The following NLRP5 variants were observed in gnomAD, a reference collection of about 807,000 sequenced individuals.
The protein encoded by NLRP5 is NLR family pyrin domain containing 5.
In NLRP5, 93 loss-of-function variants were observed where a neutral mutation model predicts 113.1. The observed-to-expected ratio is 0.82, with a 90% CI of 0.70 to 0.98. The LOEUF is 0.98. Ranked by LOEUF, NLRP5 falls within the 50% of genes least tolerant of loss-of-function variation. NLRP5 has a pLI of 0.00. For synonymous variants in NLRP5, 751 were observed against 600.7 expected (o/e 1.25, Z -3.66); for missense variants, 1,808 against 1,514.3 (o/e 1.19, Z -3.22).
chr19:56,000,213 T>G (rs59484123), intron 1 of NLRP5, among the ~76,000 whole-genome samples: 2 of 152,148 alleles, frequency 1.3e-5, no homozygotes, highest in African/African-American at 4.8e-5. Context: ...GTCCGAGGAC[T>G]GCCACCTCTC....
intron 11 of NLRP5, among the ~76,000 whole-genome samples, chr19:56,041,764 A>G (rs1983531212): frequency 1.3e-5 from 2 of 152,116 alleles, no homozygotes; most frequent in Admixed American, 6.6e-5. Context: ...CCTGGCCAAC[A>G]TGGTGAAATC....
chr19:56,007,918 T>TGCGTGCGCGCGTGC (rs1277773594), intron 2 of NLRP5, among the ~76,000 whole-genome samples: 1 of 75,666 alleles, frequency 1.3e-5, no homozygotes, highest in African/African-American at 4.1e-5. Context: ...TGTGTGTGTG[T>TGCGTGCGCGCGTGC]GTGTGTGTGT....
chr19:56,023,036 T>C (rs1231911191), intron 6 of NLRP5, among the ~76,000 whole-genome samples: 1 of 151,966 alleles, frequency 6.6e-6, no homozygotes, highest in Non-Finnish European at 1.5e-5. Context: ...AGACAAAAGA[T>C]GAGTTTTTGA....
At position 55,999,743 on chromosome 19, in the gene NLRP5, A is replaced by G. The variant is rs779108371; in HGVS notation, c.18A>G (p.Gly6=). The G allele has an allele frequency of 1.9e-6, 3 of 1,613,084 alleles. No homozygotes were observed. Among genetic ancestry groups the G allele is most frequent in the Non-Finnish European group, 2.5e-6 (3 of 1,179,278 alleles). ...ATGTTATCATGAAGGTTGCAGGAGG[A>G]CTTGAACTTGGAGCTGCTGCTCTGC... is the stretch of plus-strand genomic sequence containing the variant. The change falls in exon 1 of 15, where the codon GGA becomes GGG. Residue 6 remains glycine, a synonymous_variant. Coordinates refer to ENST00000390649, the MANE Select transcript of NLRP5 (RefSeq NM_153447.4).
the NLRP5 span, among the ~76,000 whole-genome samples, chr19:55,989,047 C>T: frequency 6.6e-6 from 1 of 152,088 alleles, no homozygotes; most frequent in African/African-American, 2.4e-5. Flanking sequence ...TGTAGAAAAG[C>T]TTATTTTCTT....
At chr19:56,048,979 A>ATTTTTTT (rs60229740) in intron 11 of NLRP5, among the ~76,000 whole-genome samples, 3 of 94,952 alleles carry the variant, frequency 3.2e-5, no homozygotes, top group Non-Finnish European at 5.9e-5. Flanking sequence ...TTTTTTTTTA[A>ATTTTTTT]TTTTTTTTTT....
In NLRP5 at chr19:56,000,367, TTTTG is replaced by T. The variant is rs985043870; in HGVS notation, c.62+588_62+591del. ...CCCACATATATCACCTCATGTTTTT[TTTTG>T]TTTGTTTTTTTAAGACAGAGTCTCA... On this transcript the variant is annotated intron_variant, in intron 1 of 14. Coordinates refer to ENST00000390649, the MANE Select transcript of NLRP5 (RefSeq NM_153447.4). 2.8e-4 allele frequency among the ~76,000 whole-genome samples: 42 copies of T among 152,026 alleles called. 1 individual carries two copies. Among genetic ancestry groups the T allele is most frequent in the Admixed American group, 2.6e-3 (40 of 15,236 alleles).
At chr19:56,038,223 T>C (rs1192114898) in intron 10 of NLRP5, 28 bp downstream of exon 10, 24 of 1,575,964 alleles carry the variant, frequency 1.5e-5, no homozygotes, top group South Asian at 1.2e-4. Context: ...TCCACCAGGA[T>C]TATCGTAACT....
intron 6 of NLRP5, among the ~76,000 whole-genome samples, chr19:56,022,370 T>C (rs1311202223): frequency 1.3e-5 from 2 of 151,362 alleles, no homozygotes; most frequent in Admixed American, 6.6e-5. Flanking sequence ...AGGCATATGC[T>C]ACAACATCTG....
chr19:56,020,070 C>T (rs915913958), intron 5 of NLRP5, among the ~76,000 whole-genome samples: 5 of 151,768 alleles, frequency 3.3e-5, no homozygotes, highest in East Asian at 1.9e-4. Flanking sequence ...CTCGTGACCT[C>T]GGCTGCCCAC....
At chr19:56,018,028 A>AT (rs1386542002) in intron 4 of NLRP5, among the ~76,000 whole-genome samples, 2 of 152,140 alleles carry the variant, frequency 1.3e-5, no homozygotes, top group East Asian at 3.8e-4. Flanking sequence ...TATATGACCC[A>AT]TTTTTACACA....
At chr19:56,053,197 A>G (rs775997253) in intron 12 of NLRP5, among the ~76,000 whole-genome samples, 10 of 151,980 alleles carry the variant, frequency 6.6e-5, no homozygotes, top group Non-Finnish European at 1.0e-4. Context: ...GGAGTTTGAG[A>G]CCAGCCTTAC....
intron 1 of NLRP5, chr19:55,999,883 T>G (rs916495128): frequency 2.3e-6 from 2 of 873,744 alleles, no homozygotes; most frequent in African/African-American, 1.6e-5. Context: ...TGCTGTCTGC[T>G]GCAATGTTAT....
Position 56,016,879 on chromosome 19 carries a change from G to A in NLRP5, c.565+1081G>A, listed in dbSNP as rs552239537. 4.1e-4 allele frequency among the ~76,000 whole-genome samples: 62 copies of A among 152,254 alleles called. 1 individual carries two copies. Among genetic ancestry groups the A allele is most frequent in the Middle Eastern group, 6.8e-3 (2 of 294 alleles). On this transcript the variant is annotated intron_variant, in intron 4 of 14. Transcript: ENST00000390649. ...GCTGGGGTGCAGTGGCGCGATCTCA[G>A]CTCACTGCAAGCTCCGCCTCCTGGG...
Position 56,061,599 on chromosome 19 carries a change from C to A in NLRP5, c.*71C>A, listed in dbSNP as rs1418206623. On this transcript the variant is annotated 3_prime_UTR_variant, in exon 15 of 15. Coordinates refer to ENST00000390649, the MANE Select transcript of NLRP5 (RefSeq NM_153447.4). ...TTAAACGCTGTTTTCTCAGAGCAAG[C>A]TATGCACCTGGGAGTTCCTTCTCAA... is the stretch of plus-strand genomic sequence containing the variant. The A allele has an allele frequency of 5.2e-5, 79 of 1,533,844 alleles. 1 individual carries two copies. The East Asian group carries it at 1.6e-3, about 31-fold the overall frequency.
chr19:56,041,775 C>T (rs1229821303), intron 11 of NLRP5, among the ~76,000 whole-genome samples: 1 of 152,058 alleles, frequency 6.6e-6, no homozygotes, highest in African/African-American at 2.4e-5. Context: ...TGGTGAAATC[C>T]CATCTCTACT....
At chr19:55,990,890 A>G in the NLRP5 span, among the ~76,000 whole-genome samples, 1 of 152,186 alleles carries the variant, frequency 6.6e-6, no homozygotes, top group African/African-American at 2.4e-5. Flanking sequence ...AGGTTGAGGC[A>G]GGAGAATCAC....
chr19:56,017,771 C>T (rs894289849), intron 4 of NLRP5, among the ~76,000 whole-genome samples: 13 of 152,112 alleles, frequency 8.5e-5, no homozygotes, highest in African/African-American at 1.2e-4. Context: ...TTTTCCATAT[C>T]GGTAAATAGC....
intron 11 of NLRP5, among the ~76,000 whole-genome samples, chr19:56,048,772 G>A (rs904691169): frequency 1.3e-5 from 2 of 152,092 alleles, no homozygotes; most frequent in East Asian, 3.9e-4. Flanking sequence ...TCTCTAGAAA[G>A]GCCAGGGAAG....
Sources: allele counts gnomAD v4.1 joint callset (sites outside exome capture counted in the v4.1 genomes callset), GRCh38; gene constraint gnomAD v4.1.1; transcripts MANE v1.5; gene names NCBI Gene and HGNC (gene_info 2026-07-23, HGNC 2026-07-21).